The following ANO5 variants were observed in gnomAD, a reference collection of about 807,000 sequenced individuals.
The protein encoded by ANO5 is anoctamin-5.
In ANO5, 109 loss-of-function variants were observed where a neutral mutation model predicts 121.0. The ratio of observed to expected loss-of-function variants is 0.90; its 90% confidence interval spans 0.77 to 1.06. The LOEUF (loss-of-function observed/expected upper bound fraction) is 1.06. Among genes scored for constraint, ANO5 ranks in the 50% least tolerant of loss-of-function variants. The probability of loss-of-function intolerance (pLI) is 0.00; values close to 1 mark genes in which losing one functional copy is unlikely to be tolerated. For missense variants in ANO5, 1,064 were observed against 1,078.5 expected (o/e 0.99, Z 0.19); for synonymous variants, 406 against 359.9 (o/e 1.13, Z -1.45).
At chr11:22,219,517 A>G (rs1852569862) in intron 4 of ANO5, among the ~76,000 whole-genome samples, 1 of 151,592 alleles carries the variant, frequency 6.6e-6, no homozygotes, top group Admixed American at 6.6e-5. Flanking sequence ...CTATCATACA[A>G]AATATGACTG....
At chr11:22,254,203 G>C (rs1367362548) in intron 12 of ANO5, among the ~76,000 whole-genome samples, 2 of 152,104 alleles carry the variant, frequency 1.3e-5, no homozygotes, top group Non-Finnish European at 2.9e-5. Flanking sequence ...AGCTGAGAGA[G>C]CAATTAGATG....
chr11:22,262,758 A>G (rs1854232521), intron 16 of ANO5, among the ~76,000 whole-genome samples, 188 bp from the exon 17 acceptor site: 1 of 152,244 alleles, frequency 6.6e-6, no homozygotes, highest in Admixed American at 6.5e-5. Context: ...CAGTTCACAG[A>G]TGAATCTAAT....
At chr11:22,241,204 G>A (rs188155435) in intron 9 of ANO5, among the ~76,000 whole-genome samples, 11 of 152,226 alleles carry the variant, frequency 7.2e-5, no homozygotes, top group East Asian at 1.9e-4. Flanking sequence ...AGTGTATATC[G>A]TAGTCATCCT....
chr11:22,246,002 C>T (rs1169769077), intron 9 of ANO5, among the ~76,000 whole-genome samples: 1 of 152,100 alleles, frequency 6.6e-6, no homozygotes, highest in South Asian at 2.1e-4. Flanking sequence ...CTGAAGCTTC[C>T]TGTGAGTCTC....
chr11:22,225,344 C>T (rs1427862360), intron 5 of ANO5, among the ~76,000 whole-genome samples: 2 of 151,714 alleles, frequency 1.3e-5, no homozygotes, highest in African/African-American at 4.8e-5. Flanking sequence ...TCTTGTAGTC[C>T]CAGCTACTCA....
chr11:22,224,015 AAC>A (rs1461484816), intron 5 of ANO5, among the ~76,000 whole-genome samples: 2 of 151,980 alleles, frequency 1.3e-5, no homozygotes, highest in Non-Finnish European at 2.9e-5. Flanking sequence ...AGCAATATTT[AAC>A]ACAGTTGATC....
intron 7 of ANO5, among the ~76,000 whole-genome samples, chr11:22,235,237 C>T (rs988986252): frequency 1.3e-5 from 2 of 151,534 alleles, no homozygotes; most frequent in African/African-American, 4.9e-5. Flanking sequence ...TAAATATTTC[C>T]ACTTTGTTAA....
At chr11:22,209,760 A>G (rs1237762697) in intron 2 of ANO5, among the ~76,000 whole-genome samples, 8 of 151,942 alleles carry the variant, frequency 5.3e-5, no homozygotes, top group Admixed American at 2.0e-4. Context: ...GTGAAGATAT[A>G]ACCCCATCTT....
intron 8 of ANO5, among the ~76,000 whole-genome samples, chr11:22,238,783 G>A (rs938071952): frequency 6.6e-6 from 1 of 151,676 alleles, no homozygotes; most frequent in African/African-American, 2.4e-5. Context: ...GGGTACATGT[G>A]CACAATGTGC....
rs765598502 is a variant in ANO5, at chr11:22,276,063, T to A, written c.2415-31T>A. On this transcript the variant is annotated intron_variant, in intron 20 of 21. Transcript: ENST00000324559. Reference sequence around the variant, plus strand: ...AGTTGAAGCTATAACTATTATTATTTTTTTTTTTTGCATTTACTTCCACTT... The same window carrying A: ...AGTTGAAGCTATAACTATTATTATTATTTTTTTTTGCATTTACTTCCACTT... 3.2e-5 allele frequency: 42 copies of A among 1,307,756 alleles called. No individual in the cohort carries two copies. In the African/African-American group the frequency reaches 3.7e-4, roughly 12 times the overall value. The allele number at this position is 1,307,756 out of a possible 1,614,324, so 81.0% of individuals were successfully genotyped here. A position where few individuals can be genotyped will look rare whatever the true frequency, so the allele number is the denominator to read the frequency against.
intron 7 of ANO5, among the ~76,000 whole-genome samples, chr11:22,232,026 C>A (rs1054875824): frequency 6.6e-6 from 1 of 151,980 alleles, no homozygotes; most frequent in African/African-American, 2.4e-5. Context: ...TGTCTCCTCT[C>A]GTTCACTATT....
chr11:22,263,120 T>G (rs1303261967), intron 17 of ANO5, 77 bp downstream of exon 17: 2 of 1,236,022 alleles, frequency 1.6e-6, no homozygotes, highest in Non-Finnish European at 2.4e-6. Flanking sequence ...TGGAATTTTT[T>G]GATTACCATG....
At position 22,218,238 on chromosome 11, in the gene ANO5, C is replaced by T; in HGVS notation, c.139-8C>T. 6.2e-7 allele frequency: 1 copy of T among 1,613,116 alleles called. No homozygotes were observed. Among genetic ancestry groups the T allele is most frequent in the Non-Finnish European group, 8.5e-7 (1 of 1,179,640 alleles). On this transcript the variant is annotated splice_polypyrimidine_tract_variant and splice_region_variant and intron_variant, in intron 3 of 21. Coordinates refer to ENST00000324559, the MANE Select transcript of ANO5 (RefSeq NM_213599.3). ...GGAAGTGCTAATTCTTTATTGGTTG[C>T]TTCACAGCCTGCAAAGCGATTCAAT...
chr11:22,259,560 C>T lies in ANO5; in HGVS notation c.1449C>T (p.Tyr483=). The T allele has an allele frequency of 6.2e-7, 1 of 1,614,102 alleles. No individual in the cohort carries two copies. The highest frequency in any genetic ancestry group is 1.7e-5 in the Admixed American group (1 of 60,012). Residue 483 remains tyrosine, a synonymous_variant, in exon 15 of 22, where the codon TAC becomes TAT. Coordinates refer to ENST00000324559, the MANE Select transcript of ANO5 (RefSeq NM_213599.3). ...CCAGTATGGTAGCTGTAATTGTGTA[C>T]CGCCTGTCAGTCTTTGCTACATTTG... The part of the protein sequence containing the change: ...VVTSMVAVIV[Y]RLSVFATFAS...
chr11:22,277,605 TTTA>T (rs1234045576), intron 21 of ANO5, among the ~76,000 whole-genome samples: 1 of 151,594 alleles, frequency 6.6e-6, no homozygotes, highest in Non-Finnish European at 1.5e-5. Flanking sequence ...ACATATTTCT[TTTA>T]TTATAATTGT....
At chr11:22,251,127 G>A in intron 12 of ANO5, 116 bp downstream of exon 12, 1 of 1,087,326 alleles carries the variant, frequency 9.2e-7, no homozygotes. Context: ...TTAGATCATT[G>A]TGTCTTTGTT....
chr11:22,223,946 C>G (rs1374912018), intron 5 of ANO5, among the ~76,000 whole-genome samples: 1 of 151,908 alleles, frequency 6.6e-6, no homozygotes, highest in Admixed American at 6.6e-5. Context: ...ACCACTCTGC[C>G]CATCTCCTTG....
chr11:22,234,340 A>C (rs1206842147), intron 7 of ANO5, among the ~76,000 whole-genome samples: 4 of 152,098 alleles, frequency 2.6e-5, no homozygotes, highest in African/African-American at 9.7e-5. Flanking sequence ...TGAGTTATTC[A>C]TTTATAAACT....
At chr11:22,264,609 C>T (rs940839168) in intron 17 of ANO5, among the ~76,000 whole-genome samples, 1 of 152,008 alleles carries the variant, frequency 6.6e-6, no homozygotes, top group African/African-American at 2.4e-5. Context: ...AGAAAGTGAA[C>T]TTACCCCAGC....
Sources: gnomAD v4.1 joint callset for allele counts (sites outside exome capture counted in the v4.1 genomes callset) on GRCh38, gnomAD v4.1.1 for gene constraint, MANE v1.5 for transcripts, NCBI Gene and HGNC (gene_info 2026-07-23, HGNC 2026-07-21) for gene names.